Variants in ATP6V1H observed in about 807,000 individuals in gnomAD.
ATP6V1H encodes the protein ATPase H+ transporting V1 subunit H.
A neutral mutation model predicts 71.7 loss-of-function variants in ATP6V1H; 39 were observed. That is an observed-to-expected ratio of 0.54 (90% CI 0.42 to 0.71). The LOEUF (loss-of-function observed/expected upper bound fraction) is 0.71, where lower values mean the gene tolerates loss of function less well. Ranked by LOEUF, ATP6V1H falls within the 30% of genes least tolerant of loss-of-function variation. The pLI is 0.00. For synonymous variants in ATP6V1H, 192 were observed against 199.3 expected (o/e 0.96, Z 0.31); for missense variants, 509 against 594.9 (o/e 0.86, Z 1.50).
In ATP6V1H at chr8:53,771,913, G is replaced by C. The variant is rs1271675989; in HGVS notation, c.1049+76C>G. ...ATTTGTATAGGTGACAACAAATTCA[G>C]GTTTTCTTAAAATGCTATGCAAGTC... is the stretch of plus-strand genomic sequence containing the variant. On this transcript the variant is annotated intron_variant, in intron 10 of 13. Coordinates refer to ENST00000359530, the MANE Select transcript of ATP6V1H (RefSeq NM_015941.4). 30 of 1,338,882 alleles carry C rather than the reference G, an allele frequency of 2.2e-5. No homozygotes were observed. The East Asian group carries it at 6.9e-4, about 31-fold the overall frequency. The allele number at this position is 1,338,882 out of a possible 1,614,324, so 82.9% of individuals were successfully genotyped here. A position where few individuals can be genotyped will look rare whatever the true frequency, so the allele number is the denominator to read the frequency against.
At chr8:53,819,834 A>G (rs563965535) in intron 4 of ATP6V1H, among the ~76,000 whole-genome samples, 21 of 148,692 alleles carry the variant, frequency 1.4e-4, no homozygotes, top group African/African-American at 5.2e-4. Context: ...ATATACACAC[A>G]CACACACATA....
chr8:53,809,259 A>G (rs1473648658), intron 7 of ATP6V1H, among the ~76,000 whole-genome samples: 1 of 152,228 alleles, frequency 6.6e-6, no homozygotes, highest in East Asian at 1.9e-4. Flanking sequence ...TAAATGTAAA[A>G]TGAGTAAGCG....
chr8:53,787,147 T>C (rs539334382), intron 9 of ATP6V1H, among the ~76,000 whole-genome samples: 2 of 152,362 alleles, frequency 1.3e-5, no homozygotes, highest in South Asian at 4.1e-4. Context: ...ACTGATAATG[T>C]GGACCACACT....
chr8:53,841,294 CA>C (rs1286669803), intron 2 of ATP6V1H, among the ~76,000 whole-genome samples: 1 of 152,142 alleles, frequency 6.6e-6, no homozygotes, highest in Non-Finnish European at 1.5e-5. Flanking sequence ...TCCGTTAGCC[CA>C]AGGACATTCC....
intron 2 of ATP6V1H, among the ~76,000 whole-genome samples, chr8:53,838,646 T>G (rs1009616969): frequency 6.6e-6 from 1 of 152,346 alleles, no homozygotes; most frequent in Non-Finnish European, 1.5e-5. Context: ...TTATAATTCT[T>G]GTATCCTCAA....
At position 53,747,526 on chromosome 8, in the gene ATP6V1H, CT is replaced by C. The variant is rs577089626; in HGVS notation, c.1278-3837del. Among the ~76,000 whole-genome samples the C allele has an allele frequency of 1.0e-3, 145 of 141,976 alleles. 2 individuals are homozygous for C. In the Middle Eastern group the frequency reaches 0.014, roughly 14 times the overall value. 93.1% of individuals were successfully genotyped at this position (141,976 alleles called of 152,430 possible). A position where few individuals can be genotyped will look rare whatever the true frequency, so the allele number is the denominator to read the frequency against. On this transcript the variant is annotated intron_variant, in intron 12 of 13. Coordinates refer to ENST00000359530, the MANE Select transcript of ATP6V1H (RefSeq NM_015941.4). The stretch of plus-strand genomic sequence containing the variant: ...CTAAAGGAGGAATAAAGAGAAAGCT[CT>C]TTTTTTTTTTTTCCTTTTTTTTCCT...
chr8:53,806,515 T>C (rs1810083110), intron 7 of ATP6V1H, among the ~76,000 whole-genome samples: 1 of 152,122 alleles, frequency 6.6e-6, no homozygotes. Context: ...CAATCTAATG[T>C]GCTTAATCCA....
At chr8:53,789,466 G>C (rs954491134) in intron 9 of ATP6V1H, among the ~76,000 whole-genome samples, 2 of 152,076 alleles carry the variant, frequency 1.3e-5, no homozygotes, top group Non-Finnish European at 1.5e-5. Flanking sequence ...CTGGGCAATA[G>C]AGCAAGACTC....
At chr8:53,815,819 A>G (rs1810430779) in intron 5 of ATP6V1H, among the ~76,000 whole-genome samples, 1 of 152,232 alleles carries the variant, frequency 6.6e-6, no homozygotes, top group African/African-American at 2.4e-5. Context: ...GAACAAGAGC[A>G]TAAGCTAGCA....
At chr8:53,722,376 C>A (rs975323273) in intron 13 of ATP6V1H, among the ~76,000 whole-genome samples, 1 of 152,208 alleles carries the variant, frequency 6.6e-6, no homozygotes, top group Non-Finnish European at 1.5e-5. Context: ...GCAGCCTGCA[C>A]AACACAGGGC....
At chr8:53,737,236 A>G (rs1585730891) in intron 13 of ATP6V1H, among the ~76,000 whole-genome samples, 1 of 151,168 alleles carries the variant, frequency 6.6e-6, no homozygotes, top group Non-Finnish European at 1.5e-5. Flanking sequence ...ATGACAGTGC[A>G]CTGAAATTGT....
chr8:53,840,918 T>C (rs769157232), intron 2 of ATP6V1H, among the ~76,000 whole-genome samples: 1 of 152,132 alleles, frequency 6.6e-6, no homozygotes, highest in Non-Finnish European at 1.5e-5. Context: ...TACAAAATAC[T>C]GAAACATCAG....
At chr8:53,740,125 G>C (rs1281742535) in intron 13 of ATP6V1H, among the ~76,000 whole-genome samples, 1 of 152,060 alleles carries the variant, frequency 6.6e-6, no homozygotes, top group African/African-American at 2.4e-5. Context: ...AAACTCAAAT[G>C]TATCTCTACA....
intron 13 of ATP6V1H, among the ~76,000 whole-genome samples, chr8:53,731,160 C>T (rs1235416760): frequency 6.6e-6 from 1 of 152,068 alleles, no homozygotes; most frequent in African/African-American, 2.4e-5. Context: ...TGAAGTCCTC[C>T]TGGTACCCCA....
chr8:53,783,371 G>C (rs906735207), intron 9 of ATP6V1H, among the ~76,000 whole-genome samples: 1 of 152,182 alleles, frequency 6.6e-6, no homozygotes, highest in Non-Finnish European at 1.5e-5. Context: ...TTGTATTTCT[G>C]TGGGGTCGGT....
At position 53,786,477 on chromosome 8, in the gene ATP6V1H, TGCAGTTCCCGGGTGAG is replaced by T. The variant is rs528419785; in HGVS notation, c.870+9154_870+9169del. Reference sequence around the variant, plus strand: ...TAGGAAAGGGAATTCCCTGACCCCTTGCAGTTCCCGGGTGAGGCGATGCCTCACCCTGCTTTGGCTC... The same window carrying T: ...TAGGAAAGGGAATTCCCTGACCCCTTGCGATGCCTCACCCTGCTTTGGCTC... On this transcript the variant is annotated intron_variant, in intron 9 of 13. Transcript: ENST00000359530. 2.2e-3 allele frequency among the ~76,000 whole-genome samples: 339 copies of T among 152,288 alleles called. 2 individuals are homozygous for T. The highest frequency in any genetic ancestry group is 7.9e-3 in the African/African-American group (328 of 41,572).
intron 4 of ATP6V1H, among the ~76,000 whole-genome samples, chr8:53,819,827 T>C (rs540826127): frequency 2.7e-4 from 40 of 145,526 alleles, no homozygotes; most frequent in Middle Eastern, 3.7e-3. Context: ...TGTATATATA[T>C]ACACACACAC....
At chr8:53,724,007 A>T (rs933267943) in intron 13 of ATP6V1H, among the ~76,000 whole-genome samples, 2 of 152,238 alleles carry the variant, frequency 1.3e-5, no homozygotes, top group African/African-American at 4.8e-5. Context: ...TGCAATCTAC[A>T]ATTTACTATT....
At chr8:53,764,287 A>C (rs1023832631) in intron 11 of ATP6V1H, among the ~76,000 whole-genome samples, 1 of 152,212 alleles carries the variant, frequency 6.6e-6, no homozygotes, top group Non-Finnish European at 1.5e-5. Context: ...CAACAAAAAT[A>C]TTGGCAAATC....
Sources: allele counts gnomAD v4.1 joint callset (sites outside exome capture counted in the v4.1 genomes callset), GRCh38; gene constraint gnomAD v4.1.1; transcripts MANE v1.5; gene names NCBI Gene and HGNC (gene_info 2026-07-23, HGNC 2026-07-21).